TENM3: variants seen among roughly 807,000 people sequenced by gnomAD.
TENM3 encodes the protein teneurin transmembrane protein 3.
In TENM3, 63 loss-of-function variants were observed where a neutral mutation model predicts 255.1. The ratio of observed to expected loss-of-function variants is 0.25; its 90% confidence interval spans 0.20 to 0.30. TENM3 has a LOEUF of 0.30. Ranked by LOEUF, TENM3 falls within the 10% of genes least tolerant of loss-of-function variation. The probability of loss-of-function intolerance (pLI) is 1.00; values close to 1 mark genes in which losing one functional copy is unlikely to be tolerated. For missense variants in TENM3, 2,929 were observed against 3,461.1 expected (o/e 0.85, Z 3.86); for synonymous variants, 1,306 against 1,322.3 (o/e 0.99, Z 0.27).
At chr4:182,163,456 A>G (rs533496295) in intron 1 of TENM3, among the ~76,000 whole-genome samples, 1 of 152,278 alleles carries the variant, frequency 6.6e-6, no homozygotes, top group East Asian at 1.9e-4. Context: ...GCACGAGGCG[A>G]GTCTTCCCAC....
Position 182,754,934 on chromosome 4 carries a change from A to T in TENM3, c.4567A>T (p.Ile1523Phe), listed in dbSNP as rs752098383. Reference protein sequence around the residue: ...VASPTDQELYIFDINGTHQYT... With the variant: ...VASPTDQELYFFDINGTHQYT... ...GTCTCCAACTGATCAAGAACTCTAC[A>T]TCTTTGACATCAATGGTACTCACCA... Residue 1523 changes from isoleucine (I) to phenylalanine (F), a missense_variant, in exon 22 of 28, where the codon ATC becomes TTC. Ile to Phe is a conservative substitution (Grantham distance 21, BLOSUM62 0). Transcript: ENST00000511685. The surrounding 1 kb of genome is among the most constrained non-coding windows in gnomAD (Gnocchi z 5.1). 3 of 1,614,042 alleles carry T rather than the reference A, an allele frequency of 1.9e-6. No homozygotes were observed. The highest frequency in any genetic ancestry group is 8.5e-7 in the Non-Finnish European group (1 of 1,179,894).
At chr4:182,306,668 C>G (rs1045365787) in intron 1 of TENM3, among the ~76,000 whole-genome samples, 3 of 152,184 alleles carry the variant, frequency 2.0e-5, no homozygotes, top group Middle Eastern at 6.3e-3. Flanking sequence ...TCTGAGGACT[C>G]TTGCCAATAA....
chr4:182,253,111 G>A (rs555450813), intron 1 of TENM3, among the ~76,000 whole-genome samples: 2 of 152,158 alleles, frequency 1.3e-5, no homozygotes, highest in South Asian at 4.2e-4. Context: ...TTTACTTTAG[G>A]GTTTAACACA....
chr4:182,118,009 A>G, the TENM3 span, among the ~76,000 whole-genome samples: 1 of 152,168 alleles, frequency 6.6e-6, no homozygotes, highest in African/African-American at 2.4e-5. Flanking sequence ...TTTACGTGCT[A>G]ATGCATATGA....
chr4:181,942,463 G>C, the TENM3 span, among the ~76,000 whole-genome samples: 2 of 152,024 alleles, frequency 1.3e-5, no homozygotes, highest in East Asian at 1.9e-4. Flanking sequence ...CCAGAGTCCT[G>C]AGTGAGGGAC....
At chr4:182,286,955 C>T (rs1417589137) in intron 1 of TENM3, among the ~76,000 whole-genome samples, 1 of 152,168 alleles carries the variant, frequency 6.6e-6, no homozygotes, top group Non-Finnish European at 1.5e-5. Context: ...AGACCAGGCA[C>T]GGTGGCTGAC....
the TENM3 span, among the ~76,000 whole-genome samples, chr4:181,684,020 A>G: frequency 6.6e-6 from 1 of 152,320 alleles, no homozygotes; most frequent in African/African-American, 2.4e-5. Context: ...AACAAATAGT[A>G]GTTATTATTG....
the TENM3 span, among the ~76,000 whole-genome samples, chr4:182,009,567 C>T: frequency 3.9e-5 from 6 of 152,056 alleles, no homozygotes; most frequent in Admixed American, 1.3e-4. Flanking sequence ...AGCTGTCCAG[C>T]CTCCCTGGCT....
At position 182,737,012 on chromosome 4, in the gene TENM3, A is replaced by G; in HGVS notation, c.3172A>G (p.Thr1058Ala). The change falls in exon 17 of 28, where the codon ACT (threonine) becomes GCT (alanine). Residue 1058 changes from threonine (T) to alanine (A), a missense_variant. Thr to Ala is a moderately conservative substitution (Grantham distance 58). Coordinates refer to ENST00000511685, the MANE Select transcript of TENM3 (RefSeq NM_001080477.4). ...TCCTGCCTCACCAAACTTGGCCTATACTTTCATATGGGATAAAACAGATGC... is the reference window on the plus strand; with the variant it reads ...TCCTGCCTCACCAAACTTGGCCTATGCTTTCATATGGGATAAAACAGATGC... ...WFPASPNLAY[T>A]FIWDKTDAYN... 1.2e-6 allele frequency: 2 copies of G among 1,613,890 alleles called. No individual in the cohort carries two copies. The highest frequency in any genetic ancestry group is 1.3e-5 in the African/African-American group (1 of 75,040).
the TENM3 span, among the ~76,000 whole-genome samples, chr4:182,052,799 T>A: frequency 3.3e-5 from 5 of 150,886 alleles, no homozygotes; most frequent in Non-Finnish European, 5.9e-5. Flanking sequence ...AAGTCAAGGA[T>A]GAGAATATAA....
chr4:181,534,718 C>A, the TENM3 span, among the ~76,000 whole-genome samples: 1 of 152,188 alleles, frequency 6.6e-6, no homozygotes, highest in East Asian at 1.9e-4. Flanking sequence ...GGGCAGAAAC[C>A]CCGCTGGAGT....
At chr4:182,597,481 G>A (rs145169691) in intron 3 of TENM3, among the ~76,000 whole-genome samples, 1 of 152,136 alleles carries the variant, frequency 6.6e-6, no homozygotes, top group Non-Finnish European at 1.5e-5. Context: ...ATGAAAAATA[G>A]TAATGTTTTT....
At chr4:181,989,438 G>A in the TENM3 span, among the ~76,000 whole-genome samples, 1 of 151,954 alleles carries the variant, frequency 6.6e-6, no homozygotes, top group African/African-American at 2.4e-5. Context: ...CTAAAGACTA[G>A]TTTACAAACT....
intron 3 of TENM3, among the ~76,000 whole-genome samples, chr4:182,461,248 A>T (rs910353054): frequency 1.3e-5 from 2 of 152,320 alleles, no homozygotes; most frequent in African/African-American, 2.4e-5. Context: ...AGTCAGTGTC[A>T]TATCAAGAAG....
chr4:181,819,474 G>A, the TENM3 span, among the ~76,000 whole-genome samples: 1 of 152,188 alleles, frequency 6.6e-6, no homozygotes, highest in Non-Finnish European at 1.5e-5. Flanking sequence ...GAACAGATAT[G>A]CTATAATCTC....
At chr4:182,711,820 C>T (rs955833562) in intron 12 of TENM3, among the ~76,000 whole-genome samples, 2 of 152,032 alleles carry the variant, frequency 1.3e-5, no homozygotes, top group African/African-American at 2.4e-5. Context: ...TTTGTAAAAG[C>T]GTTAGTTTTC....
At chr4:182,238,583 A>AT (rs1448984021), upstream of TENM3, among the ~76,000 whole-genome samples, 1 of 152,152 alleles carries the variant, frequency 6.6e-6, no homozygotes, top group Non-Finnish European at 1.5e-5. Context: ...TTGTTCCGAG[A>AT]TGAGTCTCTT....
At chr4:181,981,752 A>T in the TENM3 span, among the ~76,000 whole-genome samples, 1 of 152,186 alleles carries the variant, frequency 6.6e-6, no homozygotes, top group East Asian at 1.9e-4. Context: ...GAAAAGTGGA[A>T]AAAGTCACAA....
chr4:182,015,440 A>C, the TENM3 span, among the ~76,000 whole-genome samples: 9 of 152,164 alleles, frequency 5.9e-5, no homozygotes, highest in East Asian at 1.7e-3. Flanking sequence ...TGGACTTCTT[A>C]CTGGATTTCC....
Sources: gnomAD v4.1 joint callset for allele counts (sites outside exome capture counted in the v4.1 genomes callset) on GRCh38, gnomAD v4.1.1 for gene constraint, Gnocchi (gnomAD v3.1) non-coding constraint, MANE v1.5 for transcripts, NCBI Gene and HGNC (gene_info 2026-07-23, HGNC 2026-07-21) for gene names.